CEP70: variants seen among roughly 807,000 people sequenced by gnomAD.
CEP70 encodes centrosomal protein 70, also known as centrosomal protein of 70 kDa.
CEP70 carries 70 observed loss-of-function variants against 90.9 expected under a neutral mutation model. The observed-to-expected ratio is 0.77, with a 90% CI of 0.64 to 0.94. CEP70 has a LOEUF of 0.94. Among genes scored for constraint, CEP70 ranks in the 40% least tolerant of loss-of-function variants. The pLI, the probability that CEP70 is intolerant of heterozygous loss-of-function variation, is 0.00. For synonymous variants in CEP70, 220 were observed against 228.3 expected, an observed-to-expected ratio of 0.96 and a Z score of 0.33; for missense variants, 648 against 669.0, an observed-to-expected ratio of 0.97 and a Z score of 0.35.
At chr3:138,540,885 A>C (rs2038704034) in intron 6 of CEP70, among the ~76,000 whole-genome samples, 1 of 152,256 alleles carries the variant, frequency 6.6e-6, no homozygotes, top group African/African-American at 2.4e-5. Context: ...AATGTGGTAC[A>C]TATACACCAT....
At chr3:138,549,455 G>T (rs1451296396) in intron 6 of CEP70, among the ~76,000 whole-genome samples, 1 of 151,838 alleles carries the variant, frequency 6.6e-6, no homozygotes, top group Non-Finnish European at 1.5e-5. Context: ...CAACTTCCCT[G>T]ACAATCTGCA....
At chr3:138,495,855 A>G in intron 17 of CEP70, 1 of 984,612 alleles carries the variant, frequency 1.0e-6, no homozygotes, top group Non-Finnish European at 1.2e-6. Context: ...CTATGTCTCA[A>G]AAAAAACAAT....
At chr3:138,505,514 CAA>C (rs1352950978) in intron 12 of CEP70, 49 bp from the exon 13 acceptor site, 1 of 1,282,002 alleles carries the variant, frequency 7.8e-7, no homozygotes, top group African/African-American at 1.5e-5. Flanking sequence ...CCTATGCCTA[CAA>C]AGTTATATAT....
intron 1 of CEP70, chr3:138,593,195 A>T (rs941482704): frequency 6.6e-6 from 1 of 152,308 alleles, no homozygotes; most frequent in East Asian, 1.9e-4. Context: ...TGAAACCAAT[A>T]TGGGTAATGC....
intron 2 of CEP70, among the ~76,000 whole-genome samples, chr3:138,583,262 T>C (rs2041956438): frequency 6.6e-6 from 1 of 152,200 alleles, no homozygotes; most frequent in Non-Finnish European, 1.5e-5. Context: ...CAAGAGTATG[T>C]AACAATTGTA....
In CEP70 at chr3:138,574,564, T is replaced by C. The variant is rs566090386; in HGVS notation, c.-5-1632A>G. On this transcript the variant is annotated intron_variant, in intron 2 of 17. Transcript: ENST00000264982. ...AAACTTCTGCAGACTTAAATGTCCC[T>C]GTCTGACAGCTCTGAAGACAGCAGT... Among the ~76,000 whole-genome samples the C allele has an allele frequency of 5.3e-5, 8 of 152,320 alleles. No homozygotes were observed. In the South Asian group the frequency reaches 1.7e-3, roughly 32 times the overall value.
intron 2 of CEP70, among the ~76,000 whole-genome samples, chr3:138,580,662 C>G (rs1472036530): frequency 2.6e-5 from 4 of 152,010 alleles, no homozygotes; most frequent in African/African-American, 9.7e-5. Context: ...AACATGACCT[C>G]ACCAAACTAA....
chr3:138,540,619 A>C (rs1180442990), intron 6 of CEP70, among the ~76,000 whole-genome samples: 1 of 152,246 alleles, frequency 6.6e-6, no homozygotes, highest in East Asian at 1.9e-4. Flanking sequence ...GTTGCAGAGG[A>C]AAGGGAACAC....
chr3:138,505,423 G>A lies in CEP70; in HGVS notation c.1093C>T (p.Pro365Ser). 6.2e-7 allele frequency: 1 copy of A among 1,608,902 alleles called. No individual in the cohort carries two copies. Among genetic ancestry groups the A allele is most frequent in the Non-Finnish European group, 8.5e-7 (1 of 1,178,110 alleles). ...TTGGTCTGTTTATAAATTATTACTGGAGCTCTTGGATTGTGGATAATTGAA... is the reference window on the plus strand; with the variant it reads ...TTGGTCTGTTTATAAATTATTACTGAAGCTCTTGGATTGTGGATAATTGAA... ...INSIIHNPRA[P>S]VIIYKQTKGG... Residue 365 changes from proline to serine, a missense_variant, in exon 13 of 18, where the codon CCA becomes TCA. Transcript: ENST00000264982.
At chr3:138,527,538 C>CA (rs1038086023) in intron 10 of CEP70, among the ~76,000 whole-genome samples, 4 of 150,988 alleles carry the variant, frequency 2.6e-5, no homozygotes, top group Non-Finnish European at 5.9e-5. Context: ...ACTAAAAATA[C>CA]AAAAAATTAG....
At chr3:138,581,078 A>G (rs1169492149) in intron 2 of CEP70, among the ~76,000 whole-genome samples, 1 of 151,978 alleles carries the variant, frequency 6.6e-6, no homozygotes, top group Non-Finnish European at 1.5e-5. Flanking sequence ...TAAGGTCAGG[A>G]GTTCGAGACC....
intron 2 of CEP70, among the ~76,000 whole-genome samples, chr3:138,590,835 A>G (rs2042348650): frequency 6.6e-6 from 1 of 151,558 alleles, no homozygotes; most frequent in Non-Finnish European, 1.5e-5. Flanking sequence ...AAAAAAAAAC[A>G]GGGAAGTGAT....
chr3:138,564,867 A>C (rs1314595998), intron 6 of CEP70, among the ~76,000 whole-genome samples: 1 of 151,532 alleles, frequency 6.6e-6, no homozygotes. Context: ...CAAGAGAAAG[A>C]AATAAAGGGT....
In CEP70 at chr3:138,573,400, G is replaced by GA. The variant is rs199516304; in HGVS notation, c.-5-469dup. ...TACAGTAAAAAAAAAAAAGAAAAAA[G>GA]AAAAAAAAAGTCAGTCATACCTAGA... On this transcript the variant is annotated intron_variant, in intron 2 of 17. Coordinates refer to ENST00000264982, the MANE Select transcript of CEP70 (RefSeq NM_024491.4). Among the ~76,000 whole-genome samples, 582 of 146,946 alleles carry GA rather than the reference G, an allele frequency of 4.0e-3. 2 individuals are homozygous for GA. The highest frequency in any genetic ancestry group is 0.014 in the African/African-American group (555 of 40,128).
intron 2 of CEP70, among the ~76,000 whole-genome samples, chr3:138,587,594 G>C (rs2108273596): frequency 7.2e-6 from 1 of 139,798 alleles, no homozygotes; most frequent in South Asian, 2.3e-4. Context: ...GACCAGACTG[G>C]GCAACATAGC....
chr3:138,558,728 G>A (rs1413167371), intron 6 of CEP70, among the ~76,000 whole-genome samples: 1 of 152,062 alleles, frequency 6.6e-6, no homozygotes. Context: ...TTACCTCTAG[G>A]GTAAAATAAC....
At chr3:138,579,008 C>T (rs1305535164) in intron 2 of CEP70, among the ~76,000 whole-genome samples, 3 of 152,194 alleles carry the variant, frequency 2.0e-5, no homozygotes, top group Non-Finnish European at 4.4e-5. Flanking sequence ...ATTGCCAATA[C>T]CATTCTCCCC....
chr3:138,498,473 C>T (rs1301888167), intron 16 of CEP70, among the ~76,000 whole-genome samples: 1 of 151,518 alleles, frequency 6.6e-6, no homozygotes, highest in Non-Finnish European at 1.5e-5. Flanking sequence ...GAGTAGCCTC[C>T]TGTAGTGCCT....
At chr3:138,496,625 T>G in intron 17 of CEP70, 2 of 985,440 alleles carry the variant, frequency 2.0e-6, no homozygotes, top group South Asian at 9.4e-5. Flanking sequence ...ATGGATTGTT[T>G]TTTTACTCAC....
Sources: gnomAD v4.1 joint callset for allele counts (sites outside exome capture counted in the v4.1 genomes callset) on GRCh38, gnomAD v4.1.1 for gene constraint, MANE v1.5 for transcripts, NCBI Gene and HGNC (gene_info 2026-07-23, HGNC 2026-07-21) for gene names.